The following IL1RAPL2 variants were observed in gnomAD, a reference collection of about 807,000 sequenced individuals.
IL1RAPL2 encodes interleukin 1 receptor accessory protein like 2.
In IL1RAPL2, 3 loss-of-function variants were observed where a neutral mutation model predicts 44.1. The ratio of observed to expected loss-of-function variants is 0.07; its 90% CI spans 0.03 to 0.18. The LOEUF (loss-of-function observed/expected upper bound fraction) is 0.18, where lower values mean the gene tolerates loss of function less well. Ranked by LOEUF, IL1RAPL2 falls within the 10% of genes least tolerant of loss-of-function variation. IL1RAPL2 has a pLI of 1.00. For missense variants in IL1RAPL2, 391 were observed against 496.4 expected (o/e 0.79, Z 2.02); for synonymous variants, 181 against 178.8 (o/e 1.01, Z -0.10).
intron 10 of IL1RAPL2, among the ~76,000 whole-genome samples, chrX:105,761,920 G>C (rs1255556557): frequency 1.8e-5 from 2 of 112,224 alleles, no homozygotes; most frequent in African/African-American, 6.5e-5. Context: ...TGATTGATTA[G>C]TTTGAGAAAT....
chrX:104,973,587 T>C (rs895908434), intron 2 of IL1RAPL2, among the ~76,000 whole-genome samples: 12 of 112,059 alleles, frequency 1.1e-4, no homozygotes, highest in African/African-American at 3.9e-4. Flanking sequence ...ATTGAAAACT[T>C]TCTGGTAATT....
intron 5 of IL1RAPL2, among the ~76,000 whole-genome samples, chrX:105,389,031 C>T (rs1210042616): frequency 9.0e-6 from 1 of 111,370 alleles, no homozygotes; most frequent in Non-Finnish European, 1.9e-5. Flanking sequence ...TAAATATGCC[C>T]ACAGGAAAGG....
intron 2 of IL1RAPL2, among the ~76,000 whole-genome samples, chrX:105,136,695 C>T (rs1382447456): frequency 8.9e-6 from 1 of 112,309 alleles, no homozygotes; most frequent in Non-Finnish European, 1.9e-5. Context: ...TAACAACAAA[C>T]TTTCCCATTG....
At chrX:105,664,831 T>A (rs1406051801) in intron 6 of IL1RAPL2, among the ~76,000 whole-genome samples, 1 of 111,975 alleles carries the variant, frequency 8.9e-6, no homozygotes, top group East Asian at 2.8e-4. Context: ...TTAAAGATGC[T>A]GTCTTTGTTA....
intron 2 of IL1RAPL2, among the ~76,000 whole-genome samples, chrX:104,891,170 G>T (rs1923425855): frequency 9.0e-6 from 1 of 111,386 alleles, no homozygotes; most frequent in South Asian, 3.8e-4. Flanking sequence ...CTCTGTTTTG[G>T]TACCAGTACC....
At chrX:104,809,899 C>T (rs1433132833) in intron 2 of IL1RAPL2, among the ~76,000 whole-genome samples, 1 of 111,061 alleles carries the variant, frequency 9.0e-6, no homozygotes. Context: ...TTTGACCCAG[C>T]CATCCCATTA....
chrX:104,901,367 C>G (rs748257170), intron 2 of IL1RAPL2, among the ~76,000 whole-genome samples: 1 of 107,998 alleles, frequency 9.3e-6, no homozygotes, highest in African/African-American at 3.4e-5. Context: ...CCTGCCACCA[C>G]GCCTGGCTAA....
rs782028044 is a variant in IL1RAPL2 at position 105,220,169 on chromosome X, G to A, written c.357-13649G>A. On this transcript the variant is annotated intron_variant, in intron 3 of 10. Transcript: ENST00000372582. ...AGCTGTGCCTGCCTGTGGGCAAAGC[G>A]CACTCCCAAGGCCAGGCTGCCCCAG... The A allele has an allele frequency of 2.4e-5, 29 of 1,209,980 alleles. No homozygotes were observed. The South Asian group carries it at 2.6e-4, about 11-fold the overall frequency.
At chrX:105,690,367 T>A (rs1485198697) in intron 6 of IL1RAPL2, among the ~76,000 whole-genome samples, 2 of 111,901 alleles carry the variant, frequency 1.8e-5, no homozygotes, top group Non-Finnish European at 3.8e-5. Flanking sequence ...GAATAATTAT[T>A]CTGTTTGATT....
intron 2 of IL1RAPL2, among the ~76,000 whole-genome samples, chrX:104,942,084 G>T (rs1602838412): frequency 8.9e-6 from 1 of 112,056 alleles, no homozygotes; most frequent in Middle Eastern, 4.6e-3. Flanking sequence ...CCAGTACCAT[G>T]CTGTTTTGGT....
intron 5 of IL1RAPL2, chrX:105,405,733 A>G (rs1406684066): frequency 1.0e-5 from 10 of 968,028 alleles, no homozygotes; most frequent in African/African-American, 3.6e-5. Flanking sequence ...TTGTCACACA[A>G]AAGTGTGTCC....
At chrX:105,573,528 G>A (rs1337156812) in intron 6 of IL1RAPL2, among the ~76,000 whole-genome samples, 1 of 111,453 alleles carries the variant, frequency 9.0e-6, no homozygotes, top group Non-Finnish European at 1.9e-5. Flanking sequence ...AAACTCATGC[G>A]AATGTTACCA....
At chrX:104,910,243 G>C (rs370320178) in intron 2 of IL1RAPL2, among the ~76,000 whole-genome samples, 1 of 111,591 alleles carries the variant, frequency 9.0e-6, no homozygotes, top group East Asian at 2.8e-4. Context: ...ACTGACCTGC[G>C]CCCACTGTCT....
chrX:105,617,603 C>A (rs2037386788), intron 6 of IL1RAPL2, among the ~76,000 whole-genome samples: 1 of 111,777 alleles, frequency 8.9e-6, no homozygotes, highest in African/African-American at 3.3e-5. Context: ...ATAGCTATTT[C>A]TTGCTTATGA....
At chrX:105,578,804 C>G (rs756234881) in intron 6 of IL1RAPL2, among the ~76,000 whole-genome samples, 2 of 111,672 alleles carry the variant, frequency 1.8e-5, no homozygotes, top group Admixed American at 9.5e-5. Flanking sequence ...TAAAGCCATG[C>G]GATCAATAAA....
intron 2 of IL1RAPL2, among the ~76,000 whole-genome samples, chrX:104,949,950 C>G (rs1925523963): frequency 9.0e-6 from 1 of 110,851 alleles, no homozygotes; most frequent in Non-Finnish European, 1.9e-5. Flanking sequence ...TGGTGCAGAG[C>G]TGAGTTCAAT....
intron 5 of IL1RAPL2, among the ~76,000 whole-genome samples, chrX:105,438,556 T>C (rs1244021501): frequency 9.0e-6 from 1 of 110,767 alleles, no homozygotes; most frequent in Non-Finnish European, 1.9e-5. Flanking sequence ...CACGGAAATA[T>C]AGAATCTCTT....
chrX:104,620,759 G>C (rs1181337441), intron 1 of IL1RAPL2, among the ~76,000 whole-genome samples: 1 of 104,000 alleles, frequency 9.6e-6, no homozygotes, highest in Non-Finnish European at 1.9e-5. Flanking sequence ...ACCCATACTT[G>C]GCTCTTGGAC....
At chrX:105,191,441 A>T (rs1297858231) in intron 2 of IL1RAPL2, among the ~76,000 whole-genome samples, 1 of 111,707 alleles carries the variant, frequency 9.0e-6, no homozygotes, top group Non-Finnish European at 1.9e-5. Flanking sequence ...TCTTGAACTC[A>T]TGACCTCAGG....
Sources: gnomAD v4.1 joint callset for allele counts (sites outside exome capture counted in the v4.1 genomes callset) on GRCh38, gnomAD v4.1.1 for gene constraint, MANE v1.5 for transcripts, NCBI Gene and HGNC (gene_info 2026-07-23, HGNC 2026-07-21) for gene names.